MYO1D: variants seen among roughly 807,000 people sequenced by gnomAD.
MYO1D encodes the protein myosin ID.
MYO1D carries 83 observed loss-of-function variants against 122.0 expected under a neutral mutation model. The observed-to-expected ratio is 0.68, with a 90% confidence interval of 0.57 to 0.82. The LOEUF is 0.82. MYO1D is among the 40% of genes least tolerant of loss of function. The pLI, the probability that MYO1D is intolerant of heterozygous loss-of-function variation, is 0.00. For missense variants in MYO1D, 1,157 were observed against 1,269.5 expected, an observed-to-expected ratio of 0.91 and a Z score of 1.35; for synonymous variants, 464 against 446.9, an observed-to-expected ratio of 1.04 and a Z score of -0.48.
In MYO1D at chr17:32,732,042, C is replaced by T. The variant is rs990250957; in HGVS notation, c.1746+6211G>A. On this transcript the variant is annotated intron_variant, in intron 14 of 21. Coordinates refer to ENST00000318217, the MANE Select transcript of MYO1D (RefSeq NM_015194.3). ...CACTGTTGCAACCCAGCTGGGTATG[C>T]GCACACTTGGGGCAGTGCTGATATG... Among the ~76,000 whole-genome samples the T allele has an allele frequency of 9.2e-5, 14 of 152,228 alleles. No individual in the cohort carries two copies. In the East Asian group the frequency reaches 1.5e-3, roughly 17 times the overall value.
intron 1 of MYO1D, among the ~76,000 whole-genome samples, chr17:32,841,691 G>T (rs557525431): frequency 1.3e-5 from 2 of 152,278 alleles, no homozygotes; most frequent in African/African-American, 4.8e-5. Context: ...CAATGTCCCT[G>T]TGAGGGTGAA....
intron 21 of MYO1D, among the ~76,000 whole-genome samples, chr17:32,540,327 C>CCAA (rs71362845): frequency 4.3e-5 from 3 of 69,868 alleles, no homozygotes; most frequent in South Asian, 6.0e-4. Context: ...GAGACTATCT[C>CCAA]AAAAAAAAAA....
Position 32,668,443 on chromosome 17 carries a change from T to C in MYO1D, c.2122-9105A>G, listed in dbSNP as rs375334485. Among the ~76,000 whole-genome samples, 5 of 152,330 alleles carry C rather than the reference T, an allele frequency of 3.3e-5. No homozygotes were observed. The South Asian group carries it at 1.0e-3, about 32-fold the overall frequency. On this transcript the variant is annotated intron_variant, in intron 16 of 21. Coordinates refer to ENST00000318217, the MANE Select transcript of MYO1D (RefSeq NM_015194.3). ...ATAATAACACAGTATACATTTGCTT[T>C]AGTGGTTTGCAAATAATCTCAATTT...
intron 21 of MYO1D, among the ~76,000 whole-genome samples, chr17:32,597,994 T>C (rs566468556): frequency 5.8e-4 from 88 of 152,036 alleles, no homozygotes; most frequent in African/African-American, 1.7e-3. Context: ...TTTATATCAA[T>C]ATAGATAGAA....
chr17:32,699,559 TATTA>T (rs1481983946), intron 16 of MYO1D, among the ~76,000 whole-genome samples: 4 of 152,212 alleles, frequency 2.6e-5, no homozygotes, highest in South Asian at 2.1e-4. Flanking sequence ...GAACAGAAAC[TATTA>T]ATTATTAATT....
intron 21 of MYO1D, chr17:32,531,351 G>C (rs371096669): frequency 6.6e-6 from 1 of 152,244 alleles, no homozygotes; most frequent in Non-Finnish European, 1.5e-5. Context: ...GAGAAAGAGA[G>C]CTGGGTTGGG....
At chr17:32,589,967 T>G (rs1351969936) in intron 21 of MYO1D, among the ~76,000 whole-genome samples, 1 of 152,230 alleles carries the variant, frequency 6.6e-6, no homozygotes, top group Non-Finnish European at 1.5e-5. Flanking sequence ...GGCCCACAGA[T>G]GTATTACATA....
chr17:32,805,561 G>A (rs766026569), intron 1 of MYO1D, among the ~76,000 whole-genome samples: 1 of 152,024 alleles, frequency 6.6e-6, no homozygotes, highest in Non-Finnish European at 1.5e-5. Flanking sequence ...AGCCAAAACC[G>A]ATGGAGAAGT....
intron 21 of MYO1D, among the ~76,000 whole-genome samples, chr17:32,512,257 G>A (rs1909721216): frequency 6.6e-6 from 1 of 151,356 alleles, no homozygotes; most frequent in African/African-American, 2.4e-5. Flanking sequence ...CAGAGATGGC[G>A]CCACTGCCTT....
At position 32,736,419 on chromosome 17, in the gene MYO1D, G is replaced by T. The variant is rs151169873; in HGVS notation, c.1746+1834C>A. Among the ~76,000 whole-genome samples, 733 of 152,318 alleles carry T rather than the reference G, an allele frequency of 4.8e-3. 10 individuals carry two copies. Among genetic ancestry groups the T allele is most frequent in the African/African-American group, 0.014 (591 of 41,574 alleles). On this transcript the variant is annotated intron_variant, in intron 14 of 21. Coordinates refer to ENST00000318217, the MANE Select transcript of MYO1D (RefSeq NM_015194.3). ...TCTCTTTAAAAAGGAGGAAGTTCCA[G>T]CTGCCATCATGGACCAGGAGGTTGG... is the stretch of plus-strand genomic sequence containing the variant.
intron 7 of MYO1D, among the ~76,000 whole-genome samples, chr17:32,767,011 AAAGT>A (rs1485225353): frequency 6.6e-6 from 1 of 152,206 alleles, no homozygotes; most frequent in Non-Finnish European, 1.5e-5. Context: ...TATTAAGTGA[AAAGT>A]AATTTTTATT....
At chr17:32,618,657 C>T (rs941408898) in intron 20 of MYO1D, among the ~76,000 whole-genome samples, 9 of 144,926 alleles carry the variant, frequency 6.2e-5, no homozygotes, top group East Asian at 4.0e-4. Flanking sequence ...TTTTTTGAGA[C>T]GGAATCTTGC....
intron 1 of MYO1D, among the ~76,000 whole-genome samples, chr17:32,856,570 C>T (rs543117299): frequency 1.3e-5 from 2 of 152,326 alleles, no homozygotes; most frequent in South Asian, 4.1e-4. Context: ...CTCTTGGATG[C>T]TGTATTTAAT....
intron 1 of MYO1D, among the ~76,000 whole-genome samples, chr17:32,834,099 A>G (rs2090798002): frequency 1.3e-5 from 2 of 152,194 alleles, no homozygotes; most frequent in Non-Finnish European, 1.5e-5. Context: ...GATGGTGCTC[A>G]GCATATTGTA....
intron 16 of MYO1D, among the ~76,000 whole-genome samples, chr17:32,683,946 G>C (rs1023046817): frequency 6.6e-6 from 1 of 152,168 alleles, no homozygotes; most frequent in African/African-American, 2.4e-5. Context: ...ATATAGTCTC[G>C]TGGTGCGCCG....
At chr17:32,765,648 C>T (rs2090048253) in intron 7 of MYO1D, among the ~76,000 whole-genome samples, 1 of 151,986 alleles carries the variant, frequency 6.6e-6, no homozygotes, top group South Asian at 2.1e-4. Flanking sequence ...TTAGTAGAGA[C>T]AGGGTTTCAC....
intron 13 of MYO1D, among the ~76,000 whole-genome samples, chr17:32,741,346 G>C (rs1476747110): frequency 1.3e-5 from 2 of 151,580 alleles, no homozygotes; most frequent in Non-Finnish European, 2.9e-5. Flanking sequence ...GATGAAGGTG[G>C]CTCATTCCAA....
intron 11 of MYO1D, 145 bp downstream of exon 11, chr17:32,755,347 A>G: frequency 2.3e-6 from 2 of 870,550 alleles, no homozygotes; most frequent in Non-Finnish European, 3.4e-6. Flanking sequence ...ATCCACAGCA[A>G]CAAATCATTT....
chr17:32,712,109 C>G lies in MYO1D; in HGVS notation c.2000G>C (p.Gly667Ala). The change falls in exon 16 of 22, where the codon GGT becomes GCT. Residue 667 changes from glycine to alanine, a missense_variant. Gly to Ala is a moderately conservative substitution (Grantham distance 60). Transcript: ENST00000318217. ...CCCATAAGCTACATCATCCTGAAAA[C>G]CACACCGTTCAATTAGTTTCTTGAC... ...EAVKKLIERC[G>A]FQDDVAYGKT... The G allele has an allele frequency of 6.2e-7, 1 of 1,614,076 alleles. No homozygotes were observed. Among genetic ancestry groups the G allele is most frequent in the Non-Finnish European group, 8.5e-7 (1 of 1,179,984 alleles).
Sources: allele counts gnomAD v4.1 joint callset (sites outside exome capture counted in the v4.1 genomes callset), GRCh38; gene constraint gnomAD v4.1.1; transcripts MANE v1.5; gene names NCBI Gene and HGNC (gene_info 2026-07-23, HGNC 2026-07-21).